Variants in FNBP4 observed in about 807,000 individuals in gnomAD.
The protein encoded by FNBP4 is formin binding protein 4.
FNBP4 carries 34 observed loss-of-function variants against 119.3 expected under a neutral mutation model. The ratio of observed to expected loss-of-function variants is 0.28; its 90% confidence interval spans 0.22 to 0.38. The LOEUF is 0.38. Among genes scored for constraint, FNBP4 ranks in the 10% least tolerant of loss-of-function variants. The probability of loss-of-function intolerance (pLI) is 1.00; values close to 1 mark genes in which losing one functional copy is unlikely to be tolerated. For missense variants in FNBP4, 1,112 were observed against 1,228.9 expected, an observed-to-expected ratio of 0.90 and a Z score of 1.42; for synonymous variants, 462 against 430.6, an observed-to-expected ratio of 1.07 and a Z score of -0.90.
chr11:47,761,158 A>C (rs1041125482), intron 2 of FNBP4, among the ~76,000 whole-genome samples: 1 of 152,242 alleles, frequency 6.6e-6, no homozygotes, highest in Admixed American at 6.5e-5. Context: ...AGTAATGCTA[A>C]AGGAATAAAA....
intron 8 of FNBP4, among the ~76,000 whole-genome samples, chr11:47,737,261 A>T (rs1480725435): frequency 6.6e-6 from 1 of 152,168 alleles, no homozygotes; most frequent in African/African-American, 2.4e-5. Flanking sequence ...AGTAAAATTT[A>T]CTTTAGCCTA....
intron 2 of FNBP4, among the ~76,000 whole-genome samples, chr11:47,764,152 C>T (rs1599273307): frequency 1.3e-5 from 2 of 152,262 alleles, no homozygotes; most frequent in South Asian, 2.1e-4. Flanking sequence ...TTCTTACGGT[C>T]GCCCAGGCTG....
intron 8 of FNBP4, among the ~76,000 whole-genome samples, chr11:47,741,222 T>C (rs1268478688): frequency 6.6e-6 from 1 of 151,492 alleles, no homozygotes; most frequent in Non-Finnish European, 1.5e-5. Context: ...CAGGATGGAC[T>C]GTAGTGGTGT....
intron 15 of FNBP4, among the ~76,000 whole-genome samples, chr11:47,720,852 G>A (rs948539404): frequency 2.0e-5 from 3 of 151,820 alleles, no homozygotes; most frequent in Admixed American, 6.6e-5. Flanking sequence ...TGGCGGCGGC[G>A]GTGGGCGACT....
rs2097550738 is a variant in FNBP4 at position 47,717,045 on chromosome 11, G to C, written c.*377C>G. 1.8e-5 allele frequency: 3 copies of C among 165,348 alleles called. No homozygotes were observed. Among genetic ancestry groups the C allele is most frequent in the African/African-American group, 7.2e-5 (3 of 41,694 alleles). 10.2% of individuals were successfully genotyped at this position (165,348 alleles called of 1,614,324 possible). A position where few individuals can be genotyped will look rare whatever the true frequency, so the allele number is the denominator to read the frequency against. ...CCAGTCAAGCAAGGTAGAATGCAGAGCTGCCTTCTGAATTGCACTTGTTCT... is the reference window on the plus strand; with the variant it reads ...CCAGTCAAGCAAGGTAGAATGCAGACCTGCCTTCTGAATTGCACTTGTTCT... On this transcript the variant is annotated 3_prime_UTR_variant, in exon 17 of 17. Transcript: ENST00000263773.
chr11:47,745,716 A>G (rs1278714200), intron 7 of FNBP4, among the ~76,000 whole-genome samples: 1 of 152,132 alleles, frequency 6.6e-6, no homozygotes, highest in Non-Finnish European at 1.5e-5. Context: ...GGTGGGCATC[A>G]TAGTCCTACC....
In FNBP4 at chr11:47,767,316, T is replaced by A. The variant is rs913923016; in HGVS notation, c.-28A>T. 8 of 1,456,330 alleles carry A rather than the reference T, an allele frequency of 5.5e-6. No homozygotes were observed. The highest frequency in any genetic ancestry group is 7.2e-6 in the Non-Finnish European group (8 of 1,110,762). 90.2% of individuals were successfully genotyped at this position (1,456,330 alleles called of 1,614,324 possible). On this transcript the variant is annotated 5_prime_UTR_variant, in exon 1 of 17. Transcript: ENST00000263773. Reference sequence around the variant, plus strand: ...CGAGCCCAAGCGCGAGCAGAGAGCGTCGGGCGGCCGAGAGGGGCGGGCACT... The same window carrying A: ...CGAGCCCAAGCGCGAGCAGAGAGCGACGGGCGGCCGAGAGGGGCGGGCACT...
intron 15 of FNBP4, among the ~76,000 whole-genome samples, chr11:47,720,294 C>T (rs1250767788): frequency 6.6e-6 from 1 of 152,150 alleles, no homozygotes; most frequent in Non-Finnish European, 1.5e-5. Flanking sequence ...GCAGGCCAGG[C>T]GCGGTGGCTC....
In FNBP4 at chr11:47,746,129, A is replaced by G; in HGVS notation, c.1172T>C (p.Val391Ala). The change falls in exon 7 of 17, where the codon GTC becomes GCC. Residue 391 changes from valine (V) to alanine (A), a missense_variant. Around this residue, in one of 2 missense-constraint regions of FNBP4, gnomAD observed 826 missense variants for 988.8 expected, o/e 0.84. Transcript: ENST00000263773. ...TTCCTCCTCACTTTCTCCAGATTGGACAACACTGCAAAGATCCTCCTGAGA... is the reference window on the plus strand; with the variant it reads ...TTCCTCCTCACTTTCTCCAGATTGGGCAACACTGCAAAGATCCTCCTGAGA... ...DPSQEDLCSVVQSGESEEEEE... is the reference protein window; with the variant it reads ...DPSQEDLCSVAQSGESEEEEE... 6.2e-7 allele frequency: 1 copy of G among 1,614,016 alleles called. No individual in the cohort carries two copies. The highest frequency in any genetic ancestry group is 8.5e-7 in the Non-Finnish European group (1 of 1,179,986).
chr11:47,758,762 G>A (rs922109003), intron 2 of FNBP4, among the ~76,000 whole-genome samples: 2 of 151,676 alleles, frequency 1.3e-5, no homozygotes, highest in African/African-American at 4.8e-5. Flanking sequence ...AGGAGGCTGA[G>A]GCATGAGAAT....
chr11:47,725,545 C>G (rs2097560065), intron 12 of FNBP4: 1 of 152,762 alleles, frequency 6.5e-6, no homozygotes, highest in Non-Finnish European at 1.5e-5. Flanking sequence ...GATAAATCTT[C>G]AAAGTATATA....
In FNBP4 at chr11:47,717,053, C is replaced by A. The variant is rs1013402142; in HGVS notation, c.*369G>T. 5 of 165,682 alleles carry A rather than the reference C, an allele frequency of 3.0e-5. No individual in the cohort carries two copies. The highest frequency in any genetic ancestry group is 6.5e-5 in the Non-Finnish European group (5 of 76,584). The allele number at this position is 165,682 out of a possible 1,614,324, so 10.3% of individuals were successfully genotyped here. On this transcript the variant is annotated 3_prime_UTR_variant, in exon 17 of 17. Transcript: ENST00000263773. ...GCAAGGTAGAATGCAGAGCTGCCTT[C>A]TGAATTGCACTTGTTCTGGAGGAGA... is the stretch of plus-strand genomic sequence containing the variant.
In FNBP4 at chr11:47,724,785, A is replaced by C; in HGVS notation, c.2009-7T>G. On this transcript the variant is annotated splice_region_variant and splice_polypyrimidine_tract_variant and intron_variant, in intron 12 of 16. Transcript: ENST00000263773. ...GATTCTTTACAAAGAGAACCTATGA[A>C]AACAGGTAAGAGTCAGGGAAAAAGC... is the stretch of plus-strand genomic sequence containing the variant. The C allele has an allele frequency of 6.5e-7, 1 of 1,534,214 alleles. No individual in the cohort carries two copies.
intron 15 of FNBP4, among the ~76,000 whole-genome samples, chr11:47,722,411 G>GT (rs2097556869): frequency 1.3e-5 from 2 of 151,830 alleles, no homozygotes; most frequent in Admixed American, 1.3e-4. Flanking sequence ...AGAAGCAGTT[G>GT]TATGTTTGAA....
chr11:47,761,117 A>C (rs1053463943), intron 2 of FNBP4, among the ~76,000 whole-genome samples: 2 of 152,178 alleles, frequency 1.3e-5, no homozygotes, highest in Non-Finnish European at 1.5e-5. Flanking sequence ...ACTATTATAG[A>C]ATCACATGAA....
chr11:47,767,203 C>G lies in FNBP4; in HGVS notation c.86G>C (p.Arg29Pro), dbSNP rs1316383849. The G allele has an allele frequency of 1.3e-6, 2 of 1,563,780 alleles. No homozygotes were observed. Among genetic ancestry groups the G allele is most frequent in the Non-Finnish European group, 1.7e-6 (2 of 1,161,196 alleles). Residue 29 changes from arginine (R) to proline (P), a missense_variant, in exon 1 of 17, where the codon CGG (arginine) becomes CCG (proline). Around this residue, in one of 2 missense-constraint regions of FNBP4, gnomAD observed 286 missense variants for 240.1 expected, o/e 1.19. Transcript: ENST00000263773. ...PPGPRGSTPGRDPEPEPDTEP... is the reference protein window; with the variant it reads ...PPGPRGSTPGPDPEPEPDTEP... The stretch of plus-strand genomic sequence containing the variant: ...AGTGTCGGGTTCCGGCTCCGGGTCC[C>G]GGCCCGGCGTGCTGCCCCGAGGACC...
chr11:47,720,513 A>C (rs2097554388), intron 15 of FNBP4, among the ~76,000 whole-genome samples: 1 of 151,106 alleles, frequency 6.6e-6, no homozygotes, highest in African/African-American at 2.4e-5. Context: ...TCTTGCAGTG[A>C]GCCGAGATCA....
chr11:47,749,650 T>A (rs908604077), intron 6 of FNBP4, among the ~76,000 whole-genome samples: 2 of 152,192 alleles, frequency 1.3e-5, no homozygotes, highest in African/African-American at 2.4e-5. Context: ...CCCTAAGGAA[T>A]ACAACTTACT....
At chr11:47,761,784 A>G (rs2097635254) in intron 2 of FNBP4, among the ~76,000 whole-genome samples, 1 of 152,050 alleles carries the variant, frequency 6.6e-6, no homozygotes, top group Non-Finnish European at 1.5e-5. Flanking sequence ...ACAACAACAA[A>G]GCTGGCCAGG....
Sources: allele counts gnomAD v4.1 joint callset (sites outside exome capture counted in the v4.1 genomes callset), GRCh38; gene constraint gnomAD v4.1.1; regional missense constraint gnomAD v4.1.1; transcripts MANE v1.5; gene names NCBI Gene and HGNC (gene_info 2026-07-23, HGNC 2026-07-21).